TLL1: variants seen among roughly 807,000 people sequenced by gnomAD.
TLL1 encodes the protein tolloid like 1.
Under a neutral mutation model 128.2 loss-of-function variants are expected in TLL1, and 49 were observed. That is an observed-to-expected ratio of 0.38 (90% CI 0.30 to 0.48). TLL1 has a LOEUF of 0.48. TLL1 is among the 20% of genes least tolerant of loss of function. The pLI is 0.96. For missense variants in TLL1, 1,123 were observed against 1,242.0 expected (o/e 0.90, Z 1.44); for synonymous variants, 454 against 418.8 (o/e 1.08, Z -1.03).
At chr4:165,936,033 T>A (rs960422690) in intron 1 of TLL1, among the ~76,000 whole-genome samples, 1 of 151,594 alleles carries the variant, frequency 6.6e-6, no homozygotes, top group East Asian at 1.9e-4. Context: ...TTTTTTTTCA[T>A]GTCAGCAGCT....
intron 1 of TLL1, among the ~76,000 whole-genome samples, chr4:165,985,629 A>C (rs1255478097): frequency 6.6e-6 from 1 of 152,042 alleles, no homozygotes; most frequent in Admixed American, 6.6e-5. Context: ...GTTAGAGCTC[A>C]CTGAGGAATT....
At chr4:166,021,708 G>A (rs533545625) in intron 8 of TLL1, among the ~76,000 whole-genome samples, 1 of 152,260 alleles carries the variant, frequency 6.6e-6, no homozygotes, top group African/African-American at 2.4e-5. Context: ...TGGGATTACA[G>A]GCGTAAGCCA....
chr4:166,057,969 A>T (rs1483647614), intron 14 of TLL1, among the ~76,000 whole-genome samples: 3 of 152,136 alleles, frequency 2.0e-5, no homozygotes, highest in Non-Finnish European at 4.4e-5. Context: ...ATGTATCTAT[A>T]CTTGTTTCTA....
chr4:165,922,683 C>A (rs1312574729), intron 1 of TLL1, among the ~76,000 whole-genome samples: 1 of 152,184 alleles, frequency 6.6e-6, no homozygotes, highest in Non-Finnish European at 1.5e-5. Flanking sequence ...CTCAAATTTT[C>A]TCTACTGTGA....
At chr4:166,002,544 A>C (rs1346981070) in intron 5 of TLL1, among the ~76,000 whole-genome samples, 3 of 152,108 alleles carry the variant, frequency 2.0e-5, no homozygotes, top group African/African-American at 7.2e-5. Context: ...TCCTGGGCTC[A>C]AGTCATCCCT....
rs919752950 is a variant in TLL1, at chr4:165,911,315, T to G, written c.169+37242T>G. 3.9e-5 allele frequency among the ~76,000 whole-genome samples: 6 copies of G among 152,210 alleles called. No individual in the cohort carries two copies. The South Asian group carries it at 1.0e-3, about 26-fold the overall frequency. ...TATTTGTCTTTCTGGGCTGGACTTA[T>G]TACACTTAACATAATGATCTCCAGT... On this transcript the variant is annotated intron_variant, in intron 1 of 20. Transcript: ENST00000061240.
chr4:165,897,367 T>C (rs551570166), intron 1 of TLL1, among the ~76,000 whole-genome samples: 1 of 152,336 alleles, frequency 6.6e-6, no homozygotes, highest in Non-Finnish European at 1.5e-5. Flanking sequence ...AGGTTTTACA[T>C]TTAAGTCTTT....
At chr4:165,947,659 A>G (rs966204717) in intron 1 of TLL1, among the ~76,000 whole-genome samples, 2 of 152,142 alleles carry the variant, frequency 1.3e-5, no homozygotes, top group Non-Finnish European at 2.9e-5. Context: ...AGTTACATAA[A>G]AAACTCTTTA....
chr4:165,941,374 T>C (rs758743915), intron 1 of TLL1, among the ~76,000 whole-genome samples: 1 of 151,854 alleles, frequency 6.6e-6, no homozygotes, highest in African/African-American at 2.4e-5. Context: ...TAGGAAAGAG[T>C]CTAGAGTTAA....
intron 1 of TLL1, among the ~76,000 whole-genome samples, chr4:165,877,864 G>T (rs1730791668): frequency 6.6e-6 from 1 of 151,552 alleles, no homozygotes; most frequent in South Asian, 2.1e-4. Context: ...AGAAATTGAA[G>T]AAATTAGTAT....
At chr4:166,016,773 G>A (rs918393795) in intron 8 of TLL1, among the ~76,000 whole-genome samples, 9 of 151,662 alleles carry the variant, frequency 5.9e-5, no homozygotes, top group Non-Finnish European at 1.3e-4. Context: ...GGGAGTAAGG[G>A]ACAGCTAAAA....
intron 1 of TLL1, among the ~76,000 whole-genome samples, chr4:165,883,233 T>A (rs1227831220): frequency 3.9e-5 from 6 of 152,222 alleles, no homozygotes; most frequent in Non-Finnish European, 8.8e-5. Flanking sequence ...TGTTAATATC[T>A]CCCAGTGATA....
intron 1 of TLL1, among the ~76,000 whole-genome samples, chr4:165,927,079 A>G (rs1278783643): frequency 6.6e-6 from 1 of 152,226 alleles, no homozygotes; most frequent in Non-Finnish European, 1.5e-5. Context: ...TCTGCAAACT[A>G]TGAAGCAACT....
chr4:166,047,400 G>T (rs543773693), intron 12 of TLL1, among the ~76,000 whole-genome samples: 32 of 151,258 alleles, frequency 2.1e-4, no homozygotes, highest in African/African-American at 7.5e-4. Flanking sequence ...TCCTGAATTC[G>T]TGATCTGCCC....
At chr4:166,015,284 C>T (rs1000540155) in intron 8 of TLL1, among the ~76,000 whole-genome samples, 6 of 151,938 alleles carry the variant, frequency 3.9e-5, no homozygotes, top group African/African-American at 1.4e-4. Context: ...AATTATTTGT[C>T]CAAGGAAACC....
At chr4:165,975,382 G>A (rs544785164) in intron 1 of TLL1, among the ~76,000 whole-genome samples, 7 of 152,062 alleles carry the variant, frequency 4.6e-5, no homozygotes, top group Non-Finnish European at 1.0e-4. Flanking sequence ...TAGAGGCAGG[G>A]AACATCTAAG....
intron 1 of TLL1, 23 bp from the exon 2 acceptor site, chr4:165,989,358 T>C: frequency 6.5e-7 from 1 of 1,537,904 alleles, no homozygotes; most frequent in South Asian, 1.1e-5. Flanking sequence ...TTTTACATTT[T>C]AATTCAACTT....
chr4:166,040,998 G>A (rs996748305), intron 10 of TLL1, among the ~76,000 whole-genome samples: 1 of 152,144 alleles, frequency 6.6e-6, no homozygotes, highest in African/African-American at 2.4e-5. Flanking sequence ...GCAGACATAA[G>A]CATAAATATT....
At chr4:165,968,219 A>T (rs1735477442) in intron 1 of TLL1, among the ~76,000 whole-genome samples, 1 of 152,164 alleles carries the variant, frequency 6.6e-6, no homozygotes, top group Non-Finnish European at 1.5e-5. Flanking sequence ...TTCTTTTACA[A>T]CATAGCATTT....
Sources: allele counts gnomAD v4.1 joint callset (sites outside exome capture counted in the v4.1 genomes callset), GRCh38; gene constraint gnomAD v4.1.1; transcripts MANE v1.5; gene names NCBI Gene and HGNC (gene_info 2026-07-23, HGNC 2026-07-21).